FGF12: variants seen among roughly 807,000 people sequenced by gnomAD.
FGF12 encodes the protein fibroblast growth factor 12B.
FGF12 carries 14 observed loss-of-function variants against 23.6 expected under a neutral mutation model. That is an observed-to-expected ratio of 0.59 (90% CI 0.39 to 0.93). The LOEUF is 0.93. Ranked by LOEUF, FGF12 falls within the 40% of genes least tolerant of loss-of-function variation. The pLI is 0.00. For missense variants in FGF12, 175 were observed against 217.8 expected (o/e 0.80, Z 1.24); for synonymous variants, 62 against 77.3 (o/e 0.80, Z 1.04).
chr3:192,358,856 G>C (rs1718595051), intron 3 of FGF12, among the ~76,000 whole-genome samples: 1 of 152,092 alleles, frequency 6.6e-6, no homozygotes. Flanking sequence ...GGACGATGCT[G>C]ACAGGGATGT....
chr3:192,400,558 G>A (rs371633989), intron 2 of FGF12, among the ~76,000 whole-genome samples: 6 of 151,916 alleles, frequency 3.9e-5, no homozygotes, highest in East Asian at 1.9e-4. Flanking sequence ...TAATAGAGAT[G>A]GGGTTTCACC....
chr3:192,427,030 A>G (rs1486717115), intron 2 of FGF12, among the ~76,000 whole-genome samples: 1 of 152,196 alleles, frequency 6.6e-6, no homozygotes. Context: ...TATGTGCTGA[A>G]TAAATGCTAG....
chr3:192,557,490 A>G (rs1433252830), intron 2 of FGF12, among the ~76,000 whole-genome samples: 4 of 151,952 alleles, frequency 2.6e-5, no homozygotes, highest in Non-Finnish European at 4.4e-5. Context: ...AAAACACTTA[A>G]AGAAGAATTA....
chr3:192,632,324 G>A (rs76274510), intron 2 of FGF12, among the ~76,000 whole-genome samples: 23,271 of 152,002 alleles, frequency 0.15, 2,965 homozygotes, highest in African/African-American at 0.34. Flanking sequence ...CTTATCTGTA[G>A]AGAAAAAGAA....
At chr3:192,591,804 T>G (rs547853453) in intron 2 of FGF12, among the ~76,000 whole-genome samples, 44 of 152,040 alleles carry the variant, frequency 2.9e-4, no homozygotes, top group Non-Finnish European at 5.2e-4. Flanking sequence ...CTTCACGTTA[T>G]AGATGGAGAA....
At chr3:192,533,855 T>C (rs1725159054) in intron 2 of FGF12, among the ~76,000 whole-genome samples, 1 of 152,246 alleles carries the variant, frequency 6.6e-6, no homozygotes, top group Admixed American at 6.5e-5. Context: ...CCTGGCAGTG[T>C]ATTTTTCCTC....
intron 2 of FGF12, among the ~76,000 whole-genome samples, chr3:192,648,585 CTTTTGTTGG>C (rs1483121906): frequency 1.3e-5 from 2 of 151,624 alleles, no homozygotes; most frequent in South Asian, 2.1e-4. Context: ...AATTTTCTGG[CTTTTGTTGG>C]TTTTCATTCT....
Position 192,173,523 on chromosome 3 carries a change from T to G in FGF12, c.229-2867A>C, listed in dbSNP as rs185950826. Among the ~76,000 whole-genome samples the G allele has an allele frequency of 3.1e-4, 43 of 139,394 alleles. 2 individuals carry two copies. The highest frequency in any genetic ancestry group is 1.1e-3 in the African/African-American group (42 of 39,934). The allele number at this position is 139,394 out of a possible 152,430, so 91.4% of individuals were successfully genotyped here. Reference sequence around the variant, plus strand: ...ATATAGATGATAATATTAAGTTCTGTTTTTTTCCTAGGACTAATAAAGTAT... The same window carrying G: ...ATATAGATGATAATATTAAGTTCTGGTTTTTTCCTAGGACTAATAAAGTAT... On this transcript the variant is annotated intron_variant, in intron 4 of 5. Coordinates refer to ENST00000445105, the MANE Select transcript of FGF12 (RefSeq NM_004113.6).
chr3:192,633,053 G>A (rs912870762), intron 2 of FGF12, among the ~76,000 whole-genome samples: 6 of 152,004 alleles, frequency 3.9e-5, no homozygotes, highest in Admixed American at 6.6e-5. Flanking sequence ...GTTGTGTTGT[G>A]TTTGTTTGTT....
intron 2 of FGF12, among the ~76,000 whole-genome samples, chr3:192,715,873 T>C (rs181062135): frequency 6.6e-4 from 101 of 152,336 alleles, no homozygotes; most frequent in Middle Eastern, 3.4e-3. Flanking sequence ...CGTCCAAGCA[T>C]GGATCCTTGT....
chr3:192,316,638 G>T lies in FGF12; in HGVS notation c.228+18723C>A, dbSNP rs183556949. Among the ~76,000 whole-genome samples the T allele has an allele frequency of 3.7e-3, 557 of 152,272 alleles. 7 individuals carry two copies. Among genetic ancestry groups the T allele is most frequent in the African/African-American group, 0.013 (530 of 41,552 alleles). On this transcript the variant is annotated intron_variant, in intron 4 of 5. Transcript: ENST00000445105. ...TTGAGTTCTGCCAAGCCTTGCCACT[G>T]AGGTCCTAAATGAACTTGAAAGGCA...
chr3:192,669,481 G>A (rs1717024781), intron 2 of FGF12, among the ~76,000 whole-genome samples: 1 of 151,770 alleles, frequency 6.6e-6, no homozygotes, highest in Admixed American at 6.6e-5. Flanking sequence ...CAGCTACTTG[G>A]GAAACTGAGG....
intron 2 of FGF12, among the ~76,000 whole-genome samples, chr3:192,571,942 GTT>G (rs5855435): frequency 0.014 from 2,033 of 143,890 alleles, 36 homozygotes; most frequent in African/African-American, 0.04. Flanking sequence ...CACTATTGCT[GTT>G]TTTTTTTTTT....
At chr3:192,505,917 T>A (rs1724277881) in intron 2 of FGF12, among the ~76,000 whole-genome samples, 1 of 152,230 alleles carries the variant, frequency 6.6e-6, no homozygotes, top group African/African-American at 2.4e-5. Flanking sequence ...AGCTTTATGC[T>A]AAACAGGGTG....
intron 4 of FGF12, among the ~76,000 whole-genome samples, chr3:192,227,444 G>A (rs1448021331): frequency 3.3e-5 from 5 of 151,898 alleles, no homozygotes; most frequent in South Asian, 2.1e-4. Context: ...GTCAATATCC[G>A]AAATGTACCC....
At chr3:192,471,137 C>T (rs536717155) in intron 2 of FGF12, among the ~76,000 whole-genome samples, 5 of 152,138 alleles carry the variant, frequency 3.3e-5, no homozygotes, top group Non-Finnish European at 7.3e-5. Flanking sequence ...GTACTAGGAA[C>T]GGTGCCTGGC....
At chr3:192,470,049 T>C (rs1723126330) in intron 2 of FGF12, among the ~76,000 whole-genome samples, 1 of 151,964 alleles carries the variant, frequency 6.6e-6, no homozygotes. Flanking sequence ...ACCAAGATAA[T>C]GATGTGTGAT....
intron 3 of FGF12, among the ~76,000 whole-genome samples, chr3:192,337,967 C>A (rs1347948681): frequency 6.6e-6 from 1 of 152,090 alleles, no homozygotes; most frequent in African/African-American, 2.4e-5. Context: ...TGTATTTGAT[C>A]CTCAACCATA....
chr3:192,543,119 C>G (rs13086446), intron 2 of FGF12, among the ~76,000 whole-genome samples: 111,158 of 152,056 alleles, frequency 0.73, 41,221 homozygotes, highest in African/African-American at 0.86. Context: ...GCACCAGTCA[C>G]GTCTAGCGAT....
Sources: gnomAD v4.1 joint callset for allele counts (sites outside exome capture counted in the v4.1 genomes callset) on GRCh38, gnomAD v4.1.1 for gene constraint, MANE v1.5 for transcripts, NCBI Gene and HGNC (gene_info 2026-07-23, HGNC 2026-07-21) for gene names.